ATRNL1: variants seen among roughly 807,000 people sequenced by gnomAD.
ATRNL1 encodes attractin-like protein 1.
In ATRNL1, 95 loss-of-function variants were observed where a neutral mutation model predicts 182.7. That is an observed-to-expected ratio of 0.52 (90% CI 0.44 to 0.62). The LOEUF is 0.62. Ranked by LOEUF, ATRNL1 falls within the 20% of genes least tolerant of loss-of-function variation. ATRNL1 has a pLI of 0.00. For synonymous variants in ATRNL1, 576 were observed against 568.3 expected, an observed-to-expected ratio of 1.01 and a Z score of -0.19; for missense variants, 1,471 against 1,679.5, an observed-to-expected ratio of 0.88 and a Z score of 2.17.
chr10:115,135,525 G>A (rs914040503), intron 5 of ATRNL1, among the ~76,000 whole-genome samples: 7 of 152,132 alleles, frequency 4.6e-5, no homozygotes, highest in South Asian at 4.1e-4. Flanking sequence ...ACTGCTCAAC[G>A]AAATAAAAGA....
intron 27 of ATRNL1, chr10:115,820,564 G>A (rs963080497): frequency 1.1e-4 from 16 of 152,094 alleles, no homozygotes; most frequent in African/African-American, 3.9e-4. Flanking sequence ...AATGAAGGCA[G>A]GTCGGCCTGA....
At chr10:115,632,348 C>CA (rs1858567934) in intron 26 of ATRNL1, among the ~76,000 whole-genome samples, 1 of 151,776 alleles carries the variant, frequency 6.6e-6, no homozygotes, top group South Asian at 2.1e-4. Context: ...GACTGGAAAA[C>CA]AGAAAGAAAT....
intron 18 of ATRNL1, among the ~76,000 whole-genome samples, chr10:115,333,153 A>C (rs376997853): frequency 6.6e-6 from 1 of 152,190 alleles, no homozygotes; most frequent in South Asian, 2.1e-4. Context: ...GTTAAATGCT[A>C]GTTGCTATCA....
chr10:115,160,032 T>C lies in ATRNL1; in HGVS notation c.830-8T>C. Reference sequence around the variant, plus strand: ...ATCTAGTGTGTTGTTTCATTTTTTTTTTAATAGGTCCTGATTGTTCTTTGA... The same window carrying C: ...ATCTAGTGTGTTGTTTCATTTTTTTCTTAATAGGTCCTGATTGTTCTTTGA... On this transcript the variant is annotated splice_region_variant and splice_polypyrimidine_tract_variant and intron_variant, in intron 5 of 28. Transcript: ENST00000355044. The C allele has an allele frequency of 1.3e-6, 2 of 1,562,184 alleles. No individual in the cohort carries two copies. Among genetic ancestry groups the C allele is most frequent in the Non-Finnish European group, 1.7e-6 (2 of 1,153,708 alleles).
intron 27 of ATRNL1, among the ~76,000 whole-genome samples, chr10:115,838,022 T>C (rs1555096021): frequency 6.6e-6 from 1 of 152,220 alleles, no homozygotes; most frequent in African/African-American, 2.4e-5. Context: ...CTTATTCTTA[T>C]ATTATTCTTT....
In ATRNL1 at chr10:115,616,660, T is replaced by A. The variant is rs577166197; in HGVS notation, c.3795+67124T>A. On this transcript the variant is annotated intron_variant, in intron 26 of 28. Transcript: ENST00000355044. ...CAACCTTGGGACACTGCTCCCCACATCCTAGTCACTCCAGCTCCAGCCAAG... is the reference window on the plus strand; with the variant it reads ...CAACCTTGGGACACTGCTCCCCACAACCTAGTCACTCCAGCTCCAGCCAAG... Among the ~76,000 whole-genome samples the A allele has an allele frequency of 5.3e-5, 8 of 152,194 alleles. No homozygotes were observed. The East Asian group carries it at 1.6e-3, about 30-fold the overall frequency.
chr10:115,739,030 A>G (rs959798232), intron 27 of ATRNL1, among the ~76,000 whole-genome samples: 4 of 152,128 alleles, frequency 2.6e-5, no homozygotes, highest in Non-Finnish European at 5.9e-5. Flanking sequence ...GCACTATTGA[A>G]ATATTATTTT....
chr10:115,379,394 T>G (rs577039266), intron 19 of ATRNL1, among the ~76,000 whole-genome samples: 186 of 152,302 alleles, frequency 1.2e-3, no homozygotes, highest in African/African-American at 4.4e-3. Flanking sequence ...GGGAATTCTC[T>G]CACAATGAGC....
intron 13 of ATRNL1, among the ~76,000 whole-genome samples, chr10:115,277,732 T>A (rs1004204571): frequency 6.6e-6 from 1 of 152,136 alleles, no homozygotes; most frequent in Non-Finnish European, 1.5e-5. Context: ...ATTGATAATA[T>A]GTGAATTATC....
rs1019461084 is a variant in ATRNL1 at position 115,093,676 on chromosome 10, G to T, written c.-75G>T. ...AAGCGGCGGCGGAGAGGTTTTCTGC[G>T]GCCGGAATTCCCTTCAACAGCATCC... On this transcript the variant is annotated 5_prime_UTR_variant, in exon 1 of 29. Coordinates refer to ENST00000355044, the MANE Select transcript of ATRNL1 (RefSeq NM_207303.4). This position sits in a 1 kb window ranked among gnomAD's most constrained non-coding sequence, Gnocchi z 6.1. 37 of 1,417,752 alleles carry T rather than the reference G, an allele frequency of 2.6e-5. No homozygotes were observed. In the East Asian group the frequency reaches 8.0e-4, roughly 31 times the overall value. 87.8% of individuals were successfully genotyped at this position (1,417,752 alleles called of 1,614,324 possible). A position where few individuals can be genotyped will look rare whatever the true frequency, so the allele number is the denominator to read the frequency against.
chr10:115,279,010 G>C (rs1460359125), intron 13 of ATRNL1, among the ~76,000 whole-genome samples: 10 of 151,866 alleles, frequency 6.6e-5, no homozygotes, highest in African/African-American at 2.4e-4. Flanking sequence ...AGACCATCCT[G>C]GCTAACATGG....
intron 26 of ATRNL1, among the ~76,000 whole-genome samples, chr10:115,709,253 C>T (rs1377557716): frequency 1.3e-5 from 2 of 151,648 alleles, no homozygotes; most frequent in Non-Finnish European, 3.0e-5. Flanking sequence ...GAAGAAAGCC[C>T]GAAACACTCA....
chr10:115,681,885 A>C (rs1384113995), intron 26 of ATRNL1, among the ~76,000 whole-genome samples: 1 of 152,174 alleles, frequency 6.6e-6, no homozygotes, highest in Non-Finnish European at 1.5e-5. Context: ...GAGAAAGGTG[A>C]CATGTGAAAG....
intron 28 of ATRNL1, among the ~76,000 whole-genome samples, chr10:115,880,824 G>A (rs1555108384): frequency 2.0e-5 from 3 of 152,178 alleles, no homozygotes; most frequent in African/African-American, 7.2e-5. Flanking sequence ...TTGCTGCAAT[G>A]TATGGTAATC....
At chr10:115,202,693 C>CT (rs1848632782) in intron 8 of ATRNL1, among the ~76,000 whole-genome samples, 1 of 143,756 alleles carries the variant, frequency 7.0e-6, no homozygotes, top group South Asian at 2.3e-4. Context: ...CTAAAATTCT[C>CT]TTTTTTGGTT....
chr10:115,739,611 A>G (rs1948079252), intron 27 of ATRNL1, among the ~76,000 whole-genome samples: 1 of 152,182 alleles, frequency 6.6e-6, no homozygotes, highest in Non-Finnish European at 1.5e-5. Context: ...ACTCATTCCT[A>G]TGTATGTTAA....
At chr10:115,266,109 A>T (rs1851597052) in intron 11 of ATRNL1, among the ~76,000 whole-genome samples, 1 of 151,836 alleles carries the variant, frequency 6.6e-6, no homozygotes, top group Non-Finnish European at 1.5e-5. Context: ...AATAAAAGAC[A>T]TTCTTGAAGA....
chr10:115,340,478 T>C (rs1196862799), intron 19 of ATRNL1, among the ~76,000 whole-genome samples: 10 of 147,192 alleles, frequency 6.8e-5, no homozygotes, highest in Admixed American at 6.7e-5. Flanking sequence ...TTTCTTTTCT[T>C]TTTTTTTTTT....
rs530305307 is a variant in ATRNL1 at position 115,944,534 on chromosome 10, C to G, written c.4019-124C>G. 2.3e-4 allele frequency: 170 copies of G among 728,228 alleles called. 2 individuals are homozygous for G. The Middle Eastern group carries it at 2.7e-3, about 11-fold the overall frequency. 45.1% of individuals were successfully genotyped at this position (728,228 alleles called of 1,614,324 possible). A position where few individuals can be genotyped will look rare whatever the true frequency, so the allele number is the denominator to read the frequency against. On this transcript the variant is annotated intron_variant, in intron 28 of 28. Transcript: ENST00000355044. ...TAAAGGGCAAACTACTTGAAAACTT[C>G]CATTAACAGCCAAACGTGTGATGAC... is the stretch of plus-strand genomic sequence containing the variant.
Sources: gnomAD v4.1 joint callset for allele counts (sites outside exome capture counted in the v4.1 genomes callset) on GRCh38, gnomAD v4.1.1 for gene constraint, Gnocchi (gnomAD v3.1) non-coding constraint, MANE v1.5 for transcripts, NCBI Gene and HGNC (gene_info 2026-07-23, HGNC 2026-07-21) for gene names.